LMX1B: variants seen among roughly 807,000 people sequenced by gnomAD.
The protein encoded by LMX1B is LIM homeobox transcription factor 1 beta.
LMX1B carries 12 observed loss-of-function variants against 51.4 expected under a neutral mutation model. The ratio of observed to expected loss-of-function variants is 0.23; its 90% confidence interval spans 0.15 to 0.38. LMX1B has a LOEUF of 0.38. LMX1B is among the 10% of genes least tolerant of loss of function. LMX1B has a pLI of 1.00. For missense variants in LMX1B, 445 were observed against 571.1 expected, an observed-to-expected ratio of 0.78 and a Z score of 2.25; for synonymous variants, 237 against 235.4, an observed-to-expected ratio of 1.01 and a Z score of -0.06.
At chr9:126,682,946 A>T (rs1405855788) in intron 2 of LMX1B, among the ~76,000 whole-genome samples, 1 of 150,298 alleles carries the variant, frequency 6.7e-6, no homozygotes, top group African/African-American at 2.4e-5. Flanking sequence ...GAATCGCCAA[A>T]TGTGCATGTG....
intron 2 of LMX1B, among the ~76,000 whole-genome samples, chr9:126,674,844 G>T (rs1836524285): frequency 6.6e-6 from 1 of 152,174 alleles, no homozygotes; most frequent in African/African-American, 2.4e-5. Flanking sequence ...GACCCTCTTA[G>T]CGAGTCTCCC....
At position 126,697,468 on chromosome 9, in the gene LMX1B, CTCCAGTG is replaced by C. The variant is rs1219399242; in HGVS notation, c.*1018_*1024del. 2 of 152,626 alleles carry C rather than the reference CTCCAGTG, an allele frequency of 1.3e-5. No homozygotes were observed. The highest frequency in any genetic ancestry group is 2.9e-5 in the Non-Finnish European group (2 of 68,324). 9.5% of individuals were successfully genotyped at this position (152,626 alleles called of 1,614,324 possible). On this transcript the variant is annotated 3_prime_UTR_variant, in exon 8 of 8. Coordinates refer to ENST00000373474, the MANE Select transcript of LMX1B (RefSeq NM_001174147.2). ...GCCACCTCTGCCTCCCCTCACATACCTCCAGTGACAAGGAGCTCACTAGGTCAGCGAG... is the reference window on the plus strand; with the variant it reads ...GCCACCTCTGCCTCCCCTCACATACCACAAGGAGCTCACTAGGTCAGCGAG...
At chr9:126,674,794 C>CA (rs1458595288) in intron 2 of LMX1B, among the ~76,000 whole-genome samples, 2 of 152,210 alleles carry the variant, frequency 1.3e-5, no homozygotes, top group Non-Finnish European at 2.9e-5. Flanking sequence ...GGATCCCAGC[C>CA]AGGACCCGCT....
At chr9:126,635,964 G>A (rs1251289213) in intron 2 of LMX1B, among the ~76,000 whole-genome samples, 1 of 152,182 alleles carries the variant, frequency 6.6e-6, no homozygotes, top group African/African-American at 2.4e-5. Context: ...CATGGCCCAG[G>A]GAGGAGCACT....
chr9:126,651,562 G>A (rs2118902632), intron 2 of LMX1B, among the ~76,000 whole-genome samples: 2 of 152,108 alleles, frequency 1.3e-5, no homozygotes, highest in South Asian at 4.2e-4. Context: ...ACACACCTGA[G>A]ACCTCTAATT....
chr9:126,692,765 G>A (rs1207544316), intron 3 of LMX1B, among the ~76,000 whole-genome samples: 1 of 152,250 alleles, frequency 6.6e-6, no homozygotes, highest in Non-Finnish European at 1.5e-5. Flanking sequence ...CTGTCTGCCT[G>A]TTCCCCGAGT....
chr9:126,690,737 C>T, intron 2 of LMX1B, 99 bp from the exon 3 acceptor site: 2 of 1,051,904 alleles, frequency 1.9e-6, no homozygotes, highest in East Asian at 2.6e-5. Flanking sequence ...CCACCTGGGC[C>T]TGAGGGTCAG....
At chr9:126,662,751 G>A (rs12339030) in intron 2 of LMX1B, among the ~76,000 whole-genome samples, 2,294 of 152,338 alleles carry the variant, frequency 0.015, 145 homozygotes, top group Admixed American at 0.11. Flanking sequence ...CCAGGCCCAC[G>A]AGAGCGGCCA....
intron 2 of LMX1B, among the ~76,000 whole-genome samples, chr9:126,656,383 T>TTGGA (rs1836115374): frequency 7.0e-6 from 1 of 143,848 alleles, no homozygotes; most frequent in Non-Finnish European, 1.5e-5. Context: ...GATCTGGTCT[T>TTGGA]TAGATAGATA....
rs910317491 is a variant in LMX1B at position 126,697,200 on chromosome 9, G to T, written c.*749G>T. 1 of 152,410 alleles carries T rather than the reference G, an allele frequency of 6.6e-6. No individual in the cohort carries two copies. The highest frequency in any genetic ancestry group is 2.4e-5 in the African/African-American group (1 of 41,410). 9.4% of individuals were successfully genotyped at this position (152,410 alleles called of 1,614,324 possible). A position where few individuals can be genotyped will look rare whatever the true frequency, so the allele number is the denominator to read the frequency against. Reference sequence around the variant, plus strand: ...AGGGGACCCCCCAGTTCTTAAGAGCGATTGGAAAGGGAGGAAGGGGAGAGG... The same window carrying T: ...AGGGGACCCCCCAGTTCTTAAGAGCTATTGGAAAGGGAGGAAGGGGAGAGG... On this transcript the variant is annotated 3_prime_UTR_variant, in exon 8 of 8. Coordinates refer to ENST00000373474, the MANE Select transcript of LMX1B (RefSeq NM_001174147.2).
chr9:126,676,745 C>T (rs1836571831), intron 2 of LMX1B, among the ~76,000 whole-genome samples: 1 of 152,164 alleles, frequency 6.6e-6, no homozygotes, highest in South Asian at 2.1e-4. Context: ...CCTTTCAGAC[C>T]TTTCGGAGTT....
At chr9:126,667,110 T>G (rs749556512) in intron 2 of LMX1B, among the ~76,000 whole-genome samples, 15 of 152,240 alleles carry the variant, frequency 9.9e-5, no homozygotes, top group Admixed American at 2.0e-4. Context: ...CCTCACCCCT[T>G]TCCCAGAGGC....
intron 2 of LMX1B, among the ~76,000 whole-genome samples, chr9:126,616,817 A>G (rs956026398): frequency 1.3e-5 from 2 of 152,186 alleles, no homozygotes; most frequent in African/African-American, 4.8e-5. Context: ...CCAGAGCCCT[A>G]GAGAGGGCAT....
intron 2 of LMX1B, among the ~76,000 whole-genome samples, chr9:126,669,327 G>C (rs996264949): frequency 2.6e-5 from 4 of 152,170 alleles, no homozygotes; most frequent in Non-Finnish European, 5.9e-5. Flanking sequence ...GGGCCAATCT[G>C]TGAGTCGGGA....
At chr9:126,617,901 G>A (rs1490750198) in intron 2 of LMX1B, among the ~76,000 whole-genome samples, 1 of 112,520 alleles carries the variant, frequency 8.9e-6, no homozygotes, top group Non-Finnish European at 1.7e-5. Context: ...CCGGCAGGAT[G>A]TGCTGGGGGT....
intron 2 of LMX1B, among the ~76,000 whole-genome samples, chr9:126,656,566 T>C (rs1483320430): frequency 1.3e-5 from 2 of 152,190 alleles, no homozygotes; most frequent in African/African-American, 4.8e-5. Context: ...AGGGATGTGA[T>C]GCCTCAGGGA....
chr9:126,633,732 A>C (rs906647623), intron 2 of LMX1B, among the ~76,000 whole-genome samples: 5 of 152,176 alleles, frequency 3.3e-5, no homozygotes, highest in African/African-American at 4.8e-5. Flanking sequence ...CACGCACATA[A>C]TTATACAGCA....
intron 2 of LMX1B, among the ~76,000 whole-genome samples, chr9:126,681,512 G>A (rs900843609): frequency 1.3e-5 from 2 of 152,086 alleles, no homozygotes; most frequent in Non-Finnish European, 2.9e-5. Flanking sequence ...CTGGCTCTGA[G>A]CCAACACCTT....
At chr9:126,649,456 G>C (rs957575020) in intron 2 of LMX1B, among the ~76,000 whole-genome samples, 3 of 152,116 alleles carry the variant, frequency 2.0e-5, no homozygotes, top group Admixed American at 1.3e-4. Flanking sequence ...ACTCAAGCAG[G>C]CCTCAGAATC....
Sources: allele counts gnomAD v4.1 joint callset (sites outside exome capture counted in the v4.1 genomes callset), GRCh38; gene constraint gnomAD v4.1.1; transcripts MANE v1.5; gene names NCBI Gene and HGNC (gene_info 2026-07-23, HGNC 2026-07-21).